PCDH15: variants seen among roughly 807,000 people sequenced by gnomAD.
The protein encoded by PCDH15 is protocadherin-15.
Under a neutral mutation model 178.5 loss-of-function variants are expected in PCDH15, and 129 were observed. The ratio of observed to expected loss-of-function variants is 0.72; its 90% CI spans 0.63 to 0.84. The LOEUF (loss-of-function observed/expected upper bound fraction) is 0.84, where lower values mean the gene tolerates loss of function less well. Ranked by LOEUF, PCDH15 falls within the 40% of genes least tolerant of loss-of-function variation. The pLI, the probability that PCDH15 is intolerant of heterozygous loss-of-function variation, is 0.00. For synonymous variants in PCDH15, 800 were observed against 732.0 expected (o/e 1.09, Z -1.50); for missense variants, 2,230 against 2,099.9 (o/e 1.06, Z -1.21).
At chr10:54,931,642 G>A (rs1837779654) in intron 2 of PCDH15, among the ~76,000 whole-genome samples, 1 of 152,184 alleles carries the variant, frequency 6.6e-6, no homozygotes, top group African/African-American at 2.4e-5. Flanking sequence ...TCCTGCCTTT[G>A]AGACAGAGAA....
intron 1 of PCDH15, among the ~76,000 whole-genome samples, chr10:54,774,974 A>G (rs1316604005): frequency 6.6e-6 from 1 of 152,180 alleles, no homozygotes; most frequent in Non-Finnish European, 1.5e-5. Flanking sequence ...GTAATTCCAC[A>G]CAAGCGTCAC....
At chr10:55,396,027 CA>C (rs35512385) in intron 2 of PCDH15, among the ~76,000 whole-genome samples, 3 of 151,774 alleles carry the variant, frequency 2.0e-5, no homozygotes, top group Non-Finnish European at 2.9e-5. Context: ...TACAATTTTA[CA>C]AAAAAATATA....
At chr10:54,856,913 C>A (rs1953751380) in intron 3 of PCDH15, among the ~76,000 whole-genome samples, 1 of 152,184 alleles carries the variant, frequency 6.6e-6, no homozygotes. Context: ...CTTATTCTAA[C>A]AGCTTTCAAT....
chr10:55,197,507 A>T (rs1840126388), intron 1 of PCDH15, among the ~76,000 whole-genome samples: 1 of 152,104 alleles, frequency 6.6e-6, no homozygotes, highest in South Asian at 2.1e-4. Context: ...CTGTAGCTTT[A>T]TATAAGTCAT....
chr10:54,052,002 G>T (rs2093786558), intron 18 of PCDH15, among the ~76,000 whole-genome samples: 1 of 152,212 alleles, frequency 6.6e-6, no homozygotes, highest in Admixed American at 6.5e-5. Context: ...TGGTCCTGTG[G>T]GTGCACAGAA....
At chr10:54,424,852 C>T (rs1956054311) in intron 3 of PCDH15, among the ~76,000 whole-genome samples, 1 of 119,800 alleles carries the variant, frequency 8.3e-6, no homozygotes, top group East Asian at 2.4e-4. Flanking sequence ...CACACTGGGG[C>T]CCGTCAAGCG....
intron 2 of PCDH15, among the ~76,000 whole-genome samples, chr10:55,611,718 G>T (rs1405567516): frequency 6.6e-6 from 1 of 152,002 alleles, no homozygotes; most frequent in African/African-American, 2.4e-5. Context: ...GTTCATTGCA[G>T]CATTATTCAC....
At chr10:54,307,100 GTGTGTATATATATATATATATATATA>G (rs2060581830) in intron 8 of PCDH15, among the ~76,000 whole-genome samples, 2 of 15,534 alleles carry the variant, frequency 1.3e-4, no homozygotes, top group African/African-American at 2.9e-4. Context: ...ATATGTGTGT[GTGTGTATATATATATATATATATATA>G]TATATATATA....
rs541772210 is a variant in PCDH15 at position 54,158,590 on chromosome 10, C to T, written c.1591-5297G>A. On this transcript the variant is annotated intron_variant, in intron 13 of 37. Coordinates refer to ENST00000644397, the MANE Select transcript of PCDH15 (RefSeq NM_001384140.1). ...AATTTTGGCTGCAGTTTACTACTCTCTTTAATTGCTCTTTCCTGGTTCTGA... is the reference window on the plus strand; with the variant it reads ...AATTTTGGCTGCAGTTTACTACTCTTTTTAATTGCTCTTTCCTGGTTCTGA... Among the ~76,000 whole-genome samples, 244 of 152,256 alleles carry T rather than the reference C, an allele frequency of 1.6e-3. 1 individual carries two copies. The highest frequency in any genetic ancestry group is 2.5e-3 in the Non-Finnish European group (172 of 68,028).
chr10:55,086,633 C>A (rs1044225437), intron 2 of PCDH15, among the ~76,000 whole-genome samples: 1 of 151,924 alleles, frequency 6.6e-6, no homozygotes, highest in African/African-American at 2.4e-5. Context: ...AGTCACAGAA[C>A]CAGCAGACTT....
intron 3 of PCDH15, among the ~76,000 whole-genome samples, chr10:54,519,944 C>G (rs1164241702): frequency 3.9e-5 from 6 of 152,012 alleles, no homozygotes; most frequent in Non-Finnish European, 5.9e-5. Context: ...ACAAACCTGA[C>G]AAAAACAAGT....
At chr10:53,960,625 A>G (rs140426310) in intron 22 of PCDH15, among the ~76,000 whole-genome samples, 29 of 152,288 alleles carry the variant, frequency 1.9e-4, no homozygotes, top group Middle Eastern at 3.4e-3. Flanking sequence ...CTTCTTTGGA[A>G]TATAAATTGT....
chr10:54,685,129 C>G (rs1375139253), intron 1 of PCDH15, among the ~76,000 whole-genome samples: 1 of 151,872 alleles, frequency 6.6e-6, no homozygotes, highest in Non-Finnish European at 1.5e-5. Flanking sequence ...AATCAATATC[C>G]CTGTCTTCCT....
chr10:55,064,544 ATAAGTG>A (rs1451214843), intron 2 of PCDH15, among the ~76,000 whole-genome samples: 7 of 152,114 alleles, frequency 4.6e-5, no homozygotes, highest in Non-Finnish European at 1.0e-4. Context: ...CATTTAATTA[ATAAGTG>A]TCTAGTTTCT....
chr10:53,866,951 T>C, intron 26 of PCDH15, 94 bp from the exon 27 acceptor site: 1 of 866,090 alleles, frequency 1.2e-6, no homozygotes, highest in Admixed American at 1.9e-5. Context: ...ATGAGGTTTC[T>C]TATGTAATAA....
chr10:54,940,855 C>T (rs1277840741), intron 2 of PCDH15, among the ~76,000 whole-genome samples: 4 of 151,802 alleles, frequency 2.6e-5, no homozygotes, highest in Non-Finnish European at 5.9e-5. Context: ...CTCTAGCATT[C>T]TTGTGGTTGC....
chr10:55,352,772 C>A (rs1253748810), intron 2 of PCDH15, among the ~76,000 whole-genome samples: 1 of 151,958 alleles, frequency 6.6e-6, no homozygotes, highest in East Asian at 1.9e-4. Flanking sequence ...CCGGTGATGA[C>A]CAGCTGAGTG....
intron 15 of PCDH15, among the ~76,000 whole-genome samples, chr10:54,092,766 G>C (rs1269876579): frequency 6.6e-6 from 1 of 151,990 alleles, no homozygotes; most frequent in Non-Finnish European, 1.5e-5. Flanking sequence ...ATTATATCTG[G>C]AGACTATATC....
intron 2 of PCDH15, among the ~76,000 whole-genome samples, chr10:55,159,371 A>ATC (rs61145272): frequency 0.25 from 1,459 of 5,844 alleles, 22 homozygotes; most frequent in Admixed American, 0.35. Flanking sequence ...CTATCTATCT[A>ATC]TATATATATA....
Sources: gnomAD v4.1 joint callset for allele counts (sites outside exome capture counted in the v4.1 genomes callset) on GRCh38, gnomAD v4.1.1 for gene constraint, MANE v1.5 for transcripts, NCBI Gene and HGNC (gene_info 2026-07-23, HGNC 2026-07-21) for gene names.